Variants in PTBP2 observed in about 807,000 individuals in gnomAD.
PTBP2 encodes the protein polypyrimidine tract-binding protein 2.
A neutral mutation model predicts 61.4 loss-of-function variants in PTBP2; 13 were observed. That is an observed-to-expected ratio of 0.21 (90% CI 0.14 to 0.34). PTBP2 has a LOEUF of 0.34. Ranked by LOEUF, PTBP2 falls within the 10% of genes least tolerant of loss-of-function variation. The probability of loss-of-function intolerance (pLI) is 1.00; values close to 1 mark genes in which losing one functional copy is unlikely to be tolerated. For missense variants in PTBP2, 405 were observed against 642.6 expected (o/e 0.63, Z 4.00); for synonymous variants, 215 against 218.5 (o/e 0.98, Z 0.14).
chr1:96,817,983 TTG>T (rs1362580375), downstream of PTBP2: 4 of 152,078 alleles, frequency 2.6e-5, no homozygotes, highest in Non-Finnish European at 5.9e-5. Flanking sequence ...GGATTTTAAA[TTG>T]TGTTTAAGAA....
intron 2 of PTBP2, among the ~76,000 whole-genome samples, chr1:96,749,146 G>T (rs1394527545): frequency 6.6e-6 from 1 of 151,950 alleles, no homozygotes; most frequent in Non-Finnish European, 1.5e-5. Context: ...AAGATGCATT[G>T]CAGGAAGGAG....
At chr1:96,768,127 A>G (rs1283945383) in intron 3 of PTBP2, among the ~76,000 whole-genome samples, 1 of 152,098 alleles carries the variant, frequency 6.6e-6, no homozygotes, top group Non-Finnish European at 1.5e-5. Context: ...TAGACAAAGT[A>G]ACTTTTAAGC....
chr1:96,793,562 A>G (rs273863), intron 8 of PTBP2, among the ~76,000 whole-genome samples: 88,038 of 151,642 alleles, frequency 0.58, 26,200 homozygotes, highest in African/African-American at 0.71. Context: ...TAGTAGAGAC[A>G]GGCTTTCACC....
chr1:96,724,226 A>G (rs1390658731), intron 2 of PTBP2, among the ~76,000 whole-genome samples: 1 of 151,088 alleles, frequency 6.6e-6, no homozygotes, highest in African/African-American at 2.4e-5. Flanking sequence ...TGCAACTTTT[A>G]ATGTCATGAT....
At chr1:96,786,419 C>CT (rs1243245287) in intron 8 of PTBP2, among the ~76,000 whole-genome samples, 1 of 152,160 alleles carries the variant, frequency 6.6e-6, no homozygotes, top group Non-Finnish European at 1.5e-5. Flanking sequence ...CACTTACACT[C>CT]TTTCCTGACA....
chr1:96,816,308 A>G (rs1424927665), downstream of PTBP2: 3 of 152,202 alleles, frequency 2.0e-5, no homozygotes, highest in Non-Finnish European at 4.4e-5. Context: ...CATATAGTGA[A>G]TTGCTTATTA....
chr1:96,761,807 T>C (rs892217501), intron 3 of PTBP2, among the ~76,000 whole-genome samples: 1 of 152,088 alleles, frequency 6.6e-6, no homozygotes, highest in Non-Finnish European at 1.5e-5. Context: ...GGCAGGGTCA[T>C]AGGACAATAG....
At chr1:96,759,779 G>A (rs6689030) in intron 3 of PTBP2, among the ~76,000 whole-genome samples, 6,827 of 152,184 alleles carry the variant, frequency 0.045, 477 homozygotes, top group African/African-American at 0.15. Context: ...ATCAATACAT[G>A]CATATGACTG....
chr1:96,823,614 T>G (rs939332169), exon 14 of PTBP2: 5 of 152,220 alleles, frequency 3.3e-5, no homozygotes, highest in African/African-American at 7.2e-5. Context: ...TTCTTGAGTT[T>G]GTGACCAACA....
At chr1:96,768,177 A>G (rs1242325140) in intron 3 of PTBP2, among the ~76,000 whole-genome samples, 1 of 152,092 alleles carries the variant, frequency 6.6e-6, no homozygotes, top group African/African-American at 2.4e-5. Context: ...CGTAGAAAGT[A>G]TCTGGTTCAG....
intron 2 of PTBP2, among the ~76,000 whole-genome samples, chr1:96,744,151 G>A (rs1286445123): frequency 1.3e-5 from 2 of 152,012 alleles, no homozygotes; most frequent in African/African-American, 4.8e-5. Flanking sequence ...TTGAACCCGG[G>A]AGACAGAGGT....
chr1:96,812,632 T>C (rs912306515), intron 11 of PTBP2, 80 bp from the exon 12 acceptor site: 3 of 1,159,514 alleles, frequency 2.6e-6, no homozygotes, highest in Non-Finnish European at 3.6e-6. Context: ...AATTCAAATT[T>C]TTAAACTGTT....
chr1:96,803,457 G>T (rs1168486850), intron 8 of PTBP2, among the ~76,000 whole-genome samples: 2 of 152,008 alleles, frequency 1.3e-5, no homozygotes, highest in African/African-American at 4.8e-5. Context: ...AGGCAAAAAG[G>T]TGTGAAAAGA....
intron 3 of PTBP2, among the ~76,000 whole-genome samples, chr1:96,762,292 C>T (rs1237010501): frequency 6.7e-6 from 1 of 148,694 alleles, no homozygotes; most frequent in Non-Finnish European, 1.5e-5. Context: ...CTCCTCACTT[C>T]CCAGTAGGGG....
At chr1:96,808,153 G>A (rs943093402) in intron 11 of PTBP2, among the ~76,000 whole-genome samples, 1 of 151,972 alleles carries the variant, frequency 6.6e-6, no homozygotes, top group South Asian at 2.1e-4. Flanking sequence ...AGATCTTCCA[G>A]ATAGTTTTTG....
At chr1:96,785,021 T>C (rs1275987776) in intron 7 of PTBP2, 38 bp from the exon 8 acceptor site, 5 of 1,402,496 alleles carry the variant, frequency 3.6e-6, no homozygotes, top group Non-Finnish European at 4.8e-6. Context: ...TTTTATTTTT[T>C]GTTTAAGATT....
intron 2 of PTBP2, among the ~76,000 whole-genome samples, chr1:96,728,553 A>C (rs1650916813): frequency 6.6e-6 from 1 of 152,118 alleles, no homozygotes; most frequent in Non-Finnish European, 1.5e-5. Flanking sequence ...TCCTTTATCT[A>C]GATGCTGGAA....
At chr1:96,726,197 A>T (rs1189604485) in intron 2 of PTBP2, among the ~76,000 whole-genome samples, 1 of 150,160 alleles carries the variant, frequency 6.7e-6, no homozygotes, top group Non-Finnish European at 1.5e-5. Flanking sequence ...TGAAATTATT[A>T]ATTTATATAT....
At chr1:96,783,462 C>G (rs770756702) in intron 7 of PTBP2, among the ~76,000 whole-genome samples, 1 of 151,966 alleles carries the variant, frequency 6.6e-6, no homozygotes, top group Non-Finnish European at 1.5e-5. Context: ...ATTTGGCAGT[C>G]GGACCTCAGT....
Sources: allele counts gnomAD v4.1 joint callset (sites outside exome capture counted in the v4.1 genomes callset), GRCh38; gene constraint gnomAD v4.1.1; transcripts MANE v1.5; gene names NCBI Gene and HGNC (gene_info 2026-07-23, HGNC 2026-07-21).